KIF26B: variants seen among roughly 807,000 people sequenced by gnomAD.
KIF26B encodes kinesin family member 26B, also known as kinesin-like protein KIF26B.
In KIF26B, 63 loss-of-function variants were observed where a neutral mutation model predicts 151.2. That is an observed-to-expected ratio of 0.42 (90% confidence interval 0.34 to 0.51). The LOEUF is 0.51. Ranked by LOEUF, KIF26B falls within the 20% of genes least tolerant of loss-of-function variation. KIF26B has a pLI of 0.07. For missense variants in KIF26B, 2,813 were observed against 2,913.6 expected, an observed-to-expected ratio of 0.97 and a Z score of 0.79; for synonymous variants, 1,357 against 1,262.1, an observed-to-expected ratio of 1.08 and a Z score of -1.59.
intron 4 of KIF26B, among the ~76,000 whole-genome samples, chr1:245,451,866 C>T (rs916828723): frequency 1.3e-5 from 2 of 152,074 alleles, no homozygotes; most frequent in Non-Finnish European, 2.9e-5. Context: ...TCCCAAAGTG[C>T]TGGGATTACA....
At chr1:245,294,564 G>A (rs1671306632) in intron 2 of KIF26B, among the ~76,000 whole-genome samples, 1 of 152,180 alleles carries the variant, frequency 6.6e-6, no homozygotes, top group African/African-American at 2.4e-5. Flanking sequence ...TATCTAAATG[G>A]TTGAATTTCT....
intron 2 of KIF26B, among the ~76,000 whole-genome samples, chr1:245,235,877 G>A (rs1006373163): frequency 6.6e-6 from 1 of 151,592 alleles, no homozygotes; most frequent in Admixed American, 6.6e-5. Context: ...AGTGCTTATC[G>A]CCTTCCCAAA....
chr1:245,180,085 C>T (rs1221919199), intron 2 of KIF26B, among the ~76,000 whole-genome samples: 1 of 152,222 alleles, frequency 6.6e-6, no homozygotes, highest in Non-Finnish European at 1.5e-5. Context: ...GAAGCAAGAT[C>T]TCAGCTGGAG....
chr1:245,396,653 C>CA (rs368941008), intron 3 of KIF26B, among the ~76,000 whole-genome samples: 112 of 145,064 alleles, frequency 7.7e-4, no homozygotes, highest in South Asian at 2.0e-3. Flanking sequence ...AAACAAAAAA[C>CA]AAAAAAAAAA....
chr1:245,188,135 C>T (rs111903479), intron 2 of KIF26B, among the ~76,000 whole-genome samples: 1 of 152,008 alleles, frequency 6.6e-6, no homozygotes, highest in Non-Finnish European at 1.5e-5. Flanking sequence ...CAAAAATTAG[C>T]CAGGTGTGGT....
intron 3 of KIF26B, among the ~76,000 whole-genome samples, chr1:245,372,955 A>G (rs540933): frequency 0.59 from 90,169 of 152,078 alleles, 27,254 homozygotes; most frequent in African/African-American, 0.66. Context: ...ATTATAGGGA[A>G]CAATTAAGAA....
chr1:245,630,593 G>T (rs1404920580), intron 9 of KIF26B, among the ~76,000 whole-genome samples: 2 of 152,118 alleles, frequency 1.3e-5, no homozygotes. Flanking sequence ...GGGGTTGAGG[G>T]AAAGGGGAGT....
intron 5 of KIF26B, among the ~76,000 whole-genome samples, chr1:245,598,034 C>T (rs1274800407): frequency 6.6e-6 from 1 of 152,014 alleles, no homozygotes; most frequent in Non-Finnish European, 1.5e-5. Context: ...TTCCTCTAAC[C>T]TTTTTTCAAG....
At chr1:245,336,527 C>A (rs1672236947) in intron 2 of KIF26B, among the ~76,000 whole-genome samples, 1 of 152,194 alleles carries the variant, frequency 6.6e-6, no homozygotes, top group African/African-American at 2.4e-5. Context: ...GGAATCAGGA[C>A]TAGCTGGACT....
At chr1:245,664,787 A>G (rs12124915) in intron 10 of KIF26B, among the ~76,000 whole-genome samples, 221 of 152,280 alleles carry the variant, frequency 1.5e-3, no homozygotes, top group Middle Eastern at 3.4e-3. Flanking sequence ...ACTATCTTCT[A>G]ATACCACTTC....
intron 2 of KIF26B, among the ~76,000 whole-genome samples, chr1:245,246,404 C>T (rs79301907): frequency 0.033 from 5,061 of 152,338 alleles, 106 homozygotes; most frequent in Non-Finnish European, 0.042. Context: ...AGCTGGTACA[C>T]ATACAGGTGG....
At chr1:245,691,411 TG>T (rs1281757546) in intron 12 of KIF26B, among the ~76,000 whole-genome samples, 1 of 152,232 alleles carries the variant, frequency 6.6e-6, no homozygotes, top group East Asian at 1.9e-4. Context: ...TCATGTGGAA[TG>T]TCAAGAGCAG....
chr1:245,210,014 C>T (rs1481664929), intron 2 of KIF26B, among the ~76,000 whole-genome samples: 1 of 152,212 alleles, frequency 6.6e-6, no homozygotes, highest in East Asian at 1.9e-4. Flanking sequence ...TGATCAAGCT[C>T]TCCAGCCTTA....
chr1:245,404,215 T>G (rs1674079396), intron 3 of KIF26B, among the ~76,000 whole-genome samples: 1 of 151,792 alleles, frequency 6.6e-6, no homozygotes, highest in Non-Finnish European at 1.5e-5. Context: ...ACTGATTTTT[T>G]TTTTTTTTTA....
intron 2 of KIF26B, among the ~76,000 whole-genome samples, chr1:245,212,003 C>T (rs977298043): frequency 2.6e-5 from 4 of 152,170 alleles, no homozygotes; most frequent in African/African-American, 9.7e-5. Flanking sequence ...AAGTGGTACT[C>T]CCTCCAGCAT....
chr1:245,226,795 G>A (rs1473013337), intron 2 of KIF26B, among the ~76,000 whole-genome samples: 1 of 152,134 alleles, frequency 6.6e-6, no homozygotes, highest in African/African-American at 2.4e-5. Flanking sequence ...GAACGAAAAG[G>A]GTATGATGGC....
chr1:245,654,572 C>T (rs2044053597), intron 10 of KIF26B, among the ~76,000 whole-genome samples: 1 of 152,142 alleles, frequency 6.6e-6, no homozygotes, highest in Non-Finnish European at 1.5e-5. Flanking sequence ...CCTGACAGTT[C>T]ATGGAGCCAC....
chr1:245,669,192 G>A (rs1261701166), intron 10 of KIF26B, among the ~76,000 whole-genome samples: 1 of 152,154 alleles, frequency 6.6e-6, no homozygotes, highest in Non-Finnish European at 1.5e-5. Flanking sequence ...GATCATATTG[G>A]ACAAGTATCT....
intron 10 of KIF26B, among the ~76,000 whole-genome samples, chr1:245,656,819 A>T (rs1240562541): frequency 6.6e-6 from 1 of 152,150 alleles, no homozygotes; most frequent in Non-Finnish European, 1.5e-5. Flanking sequence ...TGTTCATGCA[A>T]ATGAGGTTTT....
Sources: allele counts gnomAD v4.1 joint callset (sites outside exome capture counted in the v4.1 genomes callset), GRCh38; gene constraint gnomAD v4.1.1; transcripts MANE v1.5; gene names NCBI Gene and HGNC (gene_info 2026-07-23, HGNC 2026-07-21).